AGBL3: variants seen among roughly 807,000 people sequenced by gnomAD.
AGBL3 encodes cytosolic carboxypeptidase 3.
AGBL3 carries 68 observed loss-of-function variants against 94.5 expected under a neutral mutation model. The observed-to-expected ratio is 0.72, with a 90% CI of 0.59 to 0.88. The LOEUF (loss-of-function observed/expected upper bound fraction) is 0.88. Ranked by LOEUF, AGBL3 falls within the 40% of genes least tolerant of loss-of-function variation. AGBL3 has a pLI of 0.00. For synonymous variants in AGBL3, 354 were observed against 370.7 expected (o/e 0.95, Z 0.52); for missense variants, 934 against 1,103.8 (o/e 0.85, Z 2.18).
At chr7:135,081,193 T>C (rs1820894916) in intron 14 of AGBL3, among the ~76,000 whole-genome samples, 1 of 152,122 alleles carries the variant, frequency 6.6e-6, no homozygotes, top group African/African-American at 2.4e-5. Flanking sequence ...AAAATAAAGA[T>C]AAGCAAAAGA....
At position 135,032,848 on chromosome 7, in the gene AGBL3, C is replaced by G; in HGVS notation, c.423C>G (p.Tyr141Ter). Residue 141 changes from tyrosine to a stop codon, truncating the protein, a stop_gained, in exon 6 of 17, where the codon TAC becomes TAG. Coordinates refer to ENST00000436302, the MANE Select transcript of AGBL3 (RefSeq NM_178563.4). LOFTEE classifies it high-confidence loss of function. The part of the protein sequence containing the change: ...ATVVYLAEDA[Y>*]KEPCFVYSRV... The stretch of plus-strand genomic sequence containing the variant: ...ATGATCTTCTTCTCTCATCAGCTTA[C>G]AAAGAGCCCTGTTTTGTGTATTCCC... 6.5e-7 allele frequency: 1 copy of G among 1,545,940 alleles called. No individual in the cohort carries two copies. The highest frequency in any genetic ancestry group is 8.7e-7 in the Non-Finnish European group (1 of 1,144,884).
Position 135,114,524 on chromosome 7 carries a change from T to C in AGBL3, c.2111-856T>C, listed in dbSNP as rs527829885. On this transcript the variant is annotated intron_variant, in intron 15 of 16. Transcript: ENST00000436302. ...AACATGCTCTTCCCAGTCTCCCCCA[T>C]GTCCTTATACTGCCATTTCCTCAAA... Among the ~76,000 whole-genome samples the C allele has an allele frequency of 4.6e-4, 70 of 151,092 alleles. No individual in the cohort carries two copies. The South Asian group carries it at 0.014, about 31-fold the overall frequency.
At chr7:135,058,766 T>TC (rs1019445172) in intron 11 of AGBL3, among the ~76,000 whole-genome samples, 2 of 151,976 alleles carry the variant, frequency 1.3e-5, no homozygotes, top group East Asian at 1.9e-4. Context: ...TCTTCTTTTT[T>TC]CCCCCCCAAG....
rs868865169 is a variant in AGBL3 at position 135,014,231 on chromosome 7, G to A, written c.311-2821G>A. Among the ~76,000 whole-genome samples, 703 of 136,990 alleles carry A rather than the reference G, an allele frequency of 5.1e-3. 4 individuals carry two copies. The highest frequency in any genetic ancestry group is 0.016 in the Middle Eastern group (4 of 244). The allele number at this position is 136,990 out of a possible 152,430, so 89.9% of individuals were successfully genotyped here. A position where few individuals can be genotyped will look rare whatever the true frequency, so the allele number is the denominator to read the frequency against. On this transcript the variant is annotated intron_variant, in intron 4 of 16. Coordinates refer to ENST00000436302, the MANE Select transcript of AGBL3 (RefSeq NM_178563.4). ...AAAAAAAAAAAAAAAAAAAAAACCC[G>A]AAATGTTGATACCTATTTCTGCATA...
intron 16 of AGBL3, among the ~76,000 whole-genome samples, chr7:135,118,187 T>C (rs1390755697): frequency 6.6e-6 from 1 of 152,204 alleles, no homozygotes; most frequent in East Asian, 1.9e-4. Flanking sequence ...CTAGCTTGAA[T>C]TGGTTTCTGT....
intron 5 of AGBL3, among the ~76,000 whole-genome samples, chr7:135,020,858 A>G (rs1451471832): frequency 7.0e-6 from 1 of 143,404 alleles, no homozygotes; most frequent in Non-Finnish European, 1.5e-5. Flanking sequence ...GAATTGAACA[A>G]TGAGAACACT....
intron 13 of AGBL3, among the ~76,000 whole-genome samples, chr7:135,078,403 T>C (rs1212218813): frequency 1.3e-5 from 2 of 152,210 alleles, no homozygotes; most frequent in Non-Finnish European, 2.9e-5. Flanking sequence ...GTAATATGAA[T>C]AGGAATTAAA....
At chr7:135,122,071 GT>G (rs1031407576) in intron 16 of AGBL3, among the ~76,000 whole-genome samples, 2 of 152,328 alleles carry the variant, frequency 1.3e-5, no homozygotes, top group African/African-American at 4.8e-5. Context: ...TGTCTAAGCC[GT>G]TTGAGTTCCT....
intron 4 of AGBL3, chr7:135,010,248 C>T (rs912831163): frequency 4.0e-5 from 11 of 274,262 alleles, no homozygotes; most frequent in South Asian, 9.6e-5. Flanking sequence ...GGATGGTCTC[C>T]GTCTCTTGAC....
chr7:135,044,701 G>T (rs962334729), intron 9 of AGBL3, among the ~76,000 whole-genome samples: 12 of 151,502 alleles, frequency 7.9e-5, no homozygotes, highest in Non-Finnish European at 1.8e-4. Flanking sequence ...TTTTCAGCTT[G>T]TTTTTTTTAT....
intron 15 of AGBL3, among the ~76,000 whole-genome samples, chr7:135,101,967 G>A (rs1823903271): frequency 6.6e-6 from 1 of 152,210 alleles, no homozygotes; most frequent in South Asian, 2.1e-4. Flanking sequence ...TTCCGCTTTC[G>A]CTTTGCTCTC....
At chr7:134,991,343 C>T (rs1810243652) in intron 3 of AGBL3, among the ~76,000 whole-genome samples, 1 of 152,076 alleles carries the variant, frequency 6.6e-6, no homozygotes. Flanking sequence ...TGCTTTCTTC[C>T]CTTCAGATTC....
intron 16 of AGBL3, among the ~76,000 whole-genome samples, chr7:135,127,339 G>A (rs1196665106): frequency 5.9e-5 from 9 of 151,926 alleles, no homozygotes; most frequent in African/African-American, 1.2e-4. Flanking sequence ...GGTGGATCAC[G>A]AGGTCAGAAT....
chr7:135,026,486 G>A (rs1815158406), intron 5 of AGBL3, among the ~76,000 whole-genome samples: 1 of 151,136 alleles, frequency 6.6e-6, no homozygotes. Flanking sequence ...TGTTGGCCAG[G>A]GTGGTCTCGA....
intron 11 of AGBL3, among the ~76,000 whole-genome samples, chr7:135,056,003 T>G (rs908574820): frequency 6.6e-6 from 1 of 152,076 alleles, no homozygotes; most frequent in African/African-American, 2.4e-5. Flanking sequence ...ACACTGTGTC[T>G]TTCAAGAAGC....
At position 135,034,886 on chromosome 7, in the gene AGBL3, A is replaced by G. The variant is rs1446962284; in HGVS notation, c.1295A>G (p.Glu432Gly). 3 of 1,546,268 alleles carry G rather than the reference A, an allele frequency of 1.9e-6. No homozygotes were observed. The highest frequency in any genetic ancestry group is 2.0e-5 in the Admixed American group (1 of 50,198). Residue 432 changes from glutamate to glycine, a missense_variant, in exon 7 of 17, where the codon GAA (glutamate) becomes GGA (glycine). Coordinates refer to ENST00000436302, the MANE Select transcript of AGBL3 (RefSeq NM_178563.4). Reference sequence around the variant, plus strand: ...CGTAATTATACATCTCTCCTGAAGGAATCTTTTCCTTCTGTATGGTATACC... The same window carrying G: ...CGTAATTATACATCTCTCCTGAAGGGATCTTTTCCTTCTGTATGGTATACC... ...LNRNYTSLLK[E>G]SFPSVWYTRN... is the part of the protein sequence containing the mutation.
intron 15 of AGBL3, among the ~76,000 whole-genome samples, chr7:135,108,412 C>T (rs973092713): frequency 2.6e-5 from 4 of 152,148 alleles, no homozygotes; most frequent in Non-Finnish European, 4.4e-5. Context: ...TGGTAATGAA[C>T]TCCCTCAGCA....
intron 4 of AGBL3, among the ~76,000 whole-genome samples, chr7:135,001,276 G>C (rs753823655): frequency 1.6e-4 from 24 of 152,132 alleles, no homozygotes; most frequent in Non-Finnish European, 3.1e-4. Flanking sequence ...TCAGTGCATT[G>C]GTCTGCCATG....
chr7:135,105,593 G>T (rs1364897689), intron 15 of AGBL3, among the ~76,000 whole-genome samples: 1 of 152,122 alleles, frequency 6.6e-6, no homozygotes, highest in Non-Finnish European at 1.5e-5. Flanking sequence ...TGGTCTATGT[G>T]TCTGTTTTTG....
Sources: gnomAD v4.1 joint callset for allele counts (sites outside exome capture counted in the v4.1 genomes callset) on GRCh38, gnomAD v4.1.1 for gene constraint, MANE v1.5 for transcripts, NCBI Gene and HGNC (gene_info 2026-07-23, HGNC 2026-07-21) for gene names.